NRXN1: variants seen among roughly 807,000 people sequenced by gnomAD.
NRXN1 encodes neurexin-1.
In NRXN1, 39 loss-of-function variants were observed where a neutral mutation model predicts 150.9. The ratio of observed to expected loss-of-function variants is 0.26; its 90% CI spans 0.20 to 0.34. The LOEUF (loss-of-function observed/expected upper bound fraction) is 0.34. Among genes scored for constraint, NRXN1 ranks in the 10% least tolerant of loss-of-function variants. The pLI, the probability that NRXN1 is intolerant of heterozygous loss-of-function variation, is 1.00. For missense variants in NRXN1, 1,815 were observed against 1,949.9 expected, an observed-to-expected ratio of 0.93 and a Z score of 1.30; for synonymous variants, 924 against 757.0, an observed-to-expected ratio of 1.22 and a Z score of -3.62.
At position 49,943,126 on chromosome 2, in the gene NRXN1, T is replaced by C. The variant is rs192713901; in HGVS notation, c.4216+578A>G. ...TTAGTCACATCAGAAGATGCAAACA[T>C]ATCATAAAGAAGTAAAATGTTTCAG... On this transcript the variant is annotated intron_variant, in intron 22 of 22. Transcript: ENST00000401669. Among the ~76,000 whole-genome samples the C allele has an allele frequency of 3.7e-3, 567 of 152,240 alleles. 4 individuals carry two copies. The highest frequency in any genetic ancestry group is 0.013 in the African/African-American group (554 of 41,528).
At chr2:50,401,217 T>G (rs999373477) in intron 17 of NRXN1, among the ~76,000 whole-genome samples, 5 of 152,216 alleles carry the variant, frequency 3.3e-5, no homozygotes, top group African/African-American at 1.2e-4. Flanking sequence ...TACATTAATT[T>G]TTGTTTCTAA....
intron 18 of NRXN1, among the ~76,000 whole-genome samples, chr2:50,107,260 A>T (rs1278881173): frequency 2.2e-4 from 3 of 13,606 alleles, no homozygotes; most frequent in Non-Finnish European, 3.3e-4. Context: ...GATACATTAA[A>T]AAAAAAAAAA....
chr2:51,028,027 G>C lies in NRXN1; in HGVS notation c.247C>G (p.Leu83Val), dbSNP rs772058218. The C allele has an allele frequency of 3.7e-6, 6 of 1,600,088 alleles. No homozygotes were observed. Among genetic ancestry groups the C allele is most frequent in the Non-Finnish European group, 4.2e-6 (5 of 1,177,690 alleles). The change falls in exon 2 of 23, where the codon CTG (leucine) becomes GTG (valine). Residue 83 changes from leucine (L) to valine (V), a missense_variant. Leu to Val is a conservative substitution (Grantham distance 32). Coordinates refer to ENST00000401669, the MANE Select transcript of NRXN1 (RefSeq NM_001330078.2). ...AGCTGCAGGCGGCCGCCGCGCGTCA[G>C]AATCAGCTCCAGGAAGTCGCAGAAG... ...EGFCDFLELI[L>V]TRGGRLQLSF...
chr2:50,256,885 A>C (rs952242561), intron 17 of NRXN1, among the ~76,000 whole-genome samples: 1 of 152,046 alleles, frequency 6.6e-6, no homozygotes, highest in African/African-American at 2.4e-5. Flanking sequence ...AGACTTCGAG[A>C]TGGAAGCCAA....
chr2:50,886,278 T>C lies in NRXN1; in HGVS notation c.832+35591A>G, dbSNP rs150483149. ...AAAAGAGGTGGTAGAAAAATAAAGATAGAAATTTACTTAATATTTTTCAAC... is the reference window on the plus strand; with the variant it reads ...AAAAGAGGTGGTAGAAAAATAAAGACAGAAATTTACTTAATATTTTTCAAC... On this transcript the variant is annotated intron_variant, in intron 5 of 22. Coordinates refer to ENST00000401669, the MANE Select transcript of NRXN1 (RefSeq NM_001330078.2). 1.7e-3 allele frequency among the ~76,000 whole-genome samples: 253 copies of C among 151,462 alleles called. 2 individuals are homozygous for C. The highest frequency in any genetic ancestry group is 5.6e-3 in the African/African-American group (233 of 41,488).
intron 5 of NRXN1, among the ~76,000 whole-genome samples, chr2:50,854,379 G>C (rs899738057): frequency 2.0e-5 from 3 of 152,048 alleles, no homozygotes; most frequent in Admixed American, 2.0e-4. Flanking sequence ...CCACAGAACA[G>C]TGCAAGGAAA....
chr2:50,830,658 A>T (rs1671280981), intron 5 of NRXN1, among the ~76,000 whole-genome samples: 1 of 150,848 alleles, frequency 6.6e-6, no homozygotes, highest in Non-Finnish European at 1.5e-5. Flanking sequence ...TCAGAACTTT[A>T]TGGCATTCAC....
chr2:50,554,164 AT>A (rs994531851), intron 8 of NRXN1, among the ~76,000 whole-genome samples: 1 of 151,976 alleles, frequency 6.6e-6, no homozygotes, highest in African/African-American at 2.4e-5. Flanking sequence ...ATATATATAT[AT>A]GTATATGTAT....
chr2:50,312,106 G>A (rs972550534), intron 17 of NRXN1, among the ~76,000 whole-genome samples: 3 of 152,014 alleles, frequency 2.0e-5, no homozygotes, highest in African/African-American at 7.2e-5. Flanking sequence ...TTGACACAAT[G>A]GATTTATTAA....
intron 21 of NRXN1, among the ~76,000 whole-genome samples, chr2:50,032,123 TTTAC>T: frequency 6.6e-6 from 1 of 152,060 alleles, no homozygotes; most frequent in African/African-American, 2.4e-5. Flanking sequence ...GATATGCTAT[TTTAC>T]TGTTACTAGC....
chr2:50,804,646 C>A (rs979251649), intron 5 of NRXN1, among the ~76,000 whole-genome samples: 1 of 152,138 alleles, frequency 6.6e-6, no homozygotes, highest in African/African-American at 2.4e-5. Flanking sequence ...AGTAAAAGGA[C>A]AAGACCATTT....
intron 22 of NRXN1, among the ~76,000 whole-genome samples, chr2:49,937,834 C>T (rs1287763670): frequency 6.9e-6 from 1 of 144,850 alleles, no homozygotes; most frequent in Non-Finnish European, 1.5e-5. Context: ...AAATGTAGAA[C>T]AAAATTATTT....
intron 5 of NRXN1, among the ~76,000 whole-genome samples, chr2:50,793,091 T>C (rs1225953705): frequency 1.3e-5 from 2 of 152,082 alleles, no homozygotes; most frequent in African/African-American, 4.8e-5. Context: ...GTGTAAGTAA[T>C]AGGATGAAGA....
chr2:49,994,369 G>C (rs6545138), intron 21 of NRXN1, among the ~76,000 whole-genome samples: 2 of 152,072 alleles, frequency 1.3e-5, no homozygotes, highest in East Asian at 3.9e-4. Flanking sequence ...ACTAATAGAC[G>C]AATCCAGTCT....
At chr2:50,208,081 G>A (rs183743971) in intron 18 of NRXN1, among the ~76,000 whole-genome samples, 42 of 152,182 alleles carry the variant, frequency 2.8e-4, no homozygotes, top group African/African-American at 9.6e-4. Context: ...AGCCTGCAAC[G>A]GTTGGCAGGA....
intron 5 of NRXN1, among the ~76,000 whole-genome samples, chr2:50,825,139 G>A (rs1199901418): frequency 1.3e-5 from 2 of 152,126 alleles, no homozygotes; most frequent in Non-Finnish European, 2.9e-5. Flanking sequence ...CACATCCTTG[G>A]CACAGTTCAT....
At chr2:50,488,015 T>G (rs1046642404) in intron 15 of NRXN1, among the ~76,000 whole-genome samples, 17 of 152,196 alleles carry the variant, frequency 1.1e-4, no homozygotes, top group African/African-American at 4.1e-4. Flanking sequence ...ACTCAAGCAC[T>G]TATGAGTTTC....
At chr2:50,884,159 G>C (rs1195785898) in intron 5 of NRXN1, among the ~76,000 whole-genome samples, 1 of 151,682 alleles carries the variant, frequency 6.6e-6, no homozygotes, top group African/African-American at 2.4e-5. Flanking sequence ...GAAATTAGAA[G>C]TCAAAAAGAT....
chr2:50,440,035 T>C (rs888083848), intron 17 of NRXN1, among the ~76,000 whole-genome samples: 6 of 152,144 alleles, frequency 3.9e-5, no homozygotes, highest in Non-Finnish European at 5.9e-5. Context: ...CACTGGATCA[T>C]TTATGACTAG....
Sources: allele counts gnomAD v4.1 joint callset (sites outside exome capture counted in the v4.1 genomes callset), GRCh38; gene constraint gnomAD v4.1.1; transcripts MANE v1.5; gene names NCBI Gene and HGNC (gene_info 2026-07-23, HGNC 2026-07-21).